SCFD1: variants seen among roughly 807,000 people sequenced by gnomAD.
SCFD1 encodes the protein sec1 family domain containing 1.
SCFD1 carries 37 observed loss-of-function variants against 103.2 expected under a neutral mutation model. The ratio of observed to expected loss-of-function variants is 0.36; its 90% CI spans 0.28 to 0.47. SCFD1 has a LOEUF of 0.47. SCFD1 is among the 20% of genes least tolerant of loss of function. The pLI, the probability that SCFD1 is intolerant of heterozygous loss-of-function variation, is 1.00. For synonymous variants in SCFD1, 264 were observed against 245.0 expected (o/e 1.08, Z -0.73); for missense variants, 639 against 761.2 (o/e 0.84, Z 1.89).
At chr14:30,625,284 G>C (rs562893135) in intron 1 of SCFD1, among the ~76,000 whole-genome samples, 41 of 152,260 alleles carry the variant, frequency 2.7e-4, no homozygotes, top group Admixed American at 2.3e-3. Context: ...GATACAGGTT[G>C]AGTATCCCTT....
At chr14:30,675,963 G>A (rs1889000551) in intron 14 of SCFD1, among the ~76,000 whole-genome samples, 1 of 152,044 alleles carries the variant, frequency 6.6e-6, no homozygotes. Flanking sequence ...TTCACATCTT[G>A]GTACTTGATA....
At chr14:30,705,966 G>T in intron 18 of SCFD1, 81 bp downstream of exon 18, 1 of 1,108,522 alleles carries the variant, frequency 9.0e-7, no homozygotes, top group South Asian at 1.4e-5. Flanking sequence ...CACAATGTCT[G>T]ATACTTTGAA....
At chr14:30,634,555 A>T (rs1392078042) in intron 4 of SCFD1, among the ~76,000 whole-genome samples, 1 of 152,178 alleles carries the variant, frequency 6.6e-6, no homozygotes, top group Non-Finnish European at 1.5e-5. Context: ...TAACCCCTGC[A>T]AATAAGGGCA....
Position 30,638,214 on chromosome 14 carries a change from G to T in SCFD1, c.402G>T (p.Ala134=), listed in dbSNP as rs548328649. 6 of 1,612,856 alleles carry T rather than the reference G, an allele frequency of 3.7e-6. No homozygotes were observed. The East Asian group carries it at 8.9e-5, about 24-fold the overall frequency. The change falls in exon 5 of 25, where the codon GCG becomes GCT. Residue 134 remains alanine (A), a synonymous_variant. Coordinates refer to ENST00000458591, the MANE Select transcript of SCFD1 (RefSeq NM_016106.4). ...RSKLEDIANA[A]LAASAVTQVA... ...AACTGGAAGATATTGCAAATGCAGC[G>T]TTAGCAGCTAGTGCAGTAACACAAG...
At chr14:30,640,890 T>C (rs550928977) in intron 6 of SCFD1, among the ~76,000 whole-genome samples, 1 of 151,388 alleles carries the variant, frequency 6.6e-6, no homozygotes, top group African/African-American at 2.5e-5. Flanking sequence ...TTGAGATTAA[T>C]TACAAATTTC....
At chr14:30,735,498 A>G (rs1193007301) in intron 24 of SCFD1, 88 bp from the exon 25 acceptor site, 1 of 891,330 alleles carries the variant, frequency 1.1e-6, no homozygotes, top group East Asian at 2.5e-5. Context: ...AGGAAGTGTA[A>G]TTTATTAAGG....
chr14:30,627,640 G>C (rs753245739), intron 1 of SCFD1, among the ~76,000 whole-genome samples: 10 of 151,472 alleles, frequency 6.6e-5, no homozygotes, highest in Non-Finnish European at 1.2e-4. Flanking sequence ...CAGCTACTCG[G>C]GAGGCTGAAG....
intron 19 of SCFD1, among the ~76,000 whole-genome samples, chr14:30,711,222 C>T (rs2139375740): frequency 6.6e-6 from 1 of 152,256 alleles, no homozygotes; most frequent in South Asian, 2.1e-4. Context: ...AAATTACAAG[C>T]AGTGAAAATC....
At chr14:30,640,829 T>C (rs981636371) in intron 6 of SCFD1, among the ~76,000 whole-genome samples, 6 of 152,138 alleles carry the variant, frequency 3.9e-5, no homozygotes, top group African/African-American at 1.2e-4. Flanking sequence ...CGTATACTTA[T>C]AAGTTTAATT....
chr14:30,663,953 T>C (rs7149384), intron 10 of SCFD1, among the ~76,000 whole-genome samples: 7,556 of 152,202 alleles, frequency 0.05, 619 homozygotes, highest in African/African-American at 0.17. Context: ...ATAGCCATGC[T>C]TCTGAACAAA....
At chr14:30,720,806 T>C (rs990094970) in intron 21 of SCFD1, among the ~76,000 whole-genome samples, 5 of 152,166 alleles carry the variant, frequency 3.3e-5, no homozygotes, top group African/African-American at 1.2e-4. Flanking sequence ...ATCTGTGGAC[T>C]TTGGTGTCTA....
At chr14:30,706,350 A>C (rs1170764447) in intron 18 of SCFD1, among the ~76,000 whole-genome samples, 1 of 152,186 alleles carries the variant, frequency 6.6e-6, no homozygotes, top group Non-Finnish European at 1.5e-5. Flanking sequence ...CATAGCTGAA[A>C]TGATATACAC....
intron 5 of SCFD1, among the ~76,000 whole-genome samples, chr14:30,638,692 G>T (rs986521391): frequency 6.6e-6 from 1 of 152,088 alleles, no homozygotes; most frequent in African/African-American, 2.4e-5. Context: ...GAGATCCAAA[G>T]TGCCTCTGTT....
intron 18 of SCFD1, among the ~76,000 whole-genome samples, chr14:30,706,735 C>T (rs1287155335): frequency 6.6e-6 from 1 of 152,134 alleles, no homozygotes; most frequent in Non-Finnish European, 1.5e-5. Context: ...ATACAGTTTC[C>T]AATTCCTAGC....
chr14:30,660,478 T>G (rs1887340040), intron 10 of SCFD1, among the ~76,000 whole-genome samples: 1 of 152,196 alleles, frequency 6.6e-6, no homozygotes, highest in Non-Finnish European at 1.5e-5. Flanking sequence ...GATCCATCCA[T>G]TAAGGGTTCT....
chr14:30,694,212 G>A (rs1315717110), intron 14 of SCFD1, among the ~76,000 whole-genome samples: 1 of 152,142 alleles, frequency 6.6e-6, no homozygotes, highest in Non-Finnish European at 1.5e-5. Flanking sequence ...TTGTATGCCA[G>A]TAACTAATTA....
At chr14:30,648,237 T>C (rs1371379121) in intron 7 of SCFD1, among the ~76,000 whole-genome samples, 1 of 152,196 alleles carries the variant, frequency 6.6e-6, no homozygotes, top group African/African-American at 2.4e-5. Context: ...ATTTATAACT[T>C]TTGCCATCAA....
chr14:30,649,994 T>G (rs1886246148), intron 8 of SCFD1, among the ~76,000 whole-genome samples: 1 of 152,214 alleles, frequency 6.6e-6, no homozygotes, highest in Admixed American at 6.5e-5. Flanking sequence ...AGTAAAATAT[T>G]AAGTATAAAG....
intron 18 of SCFD1, among the ~76,000 whole-genome samples, chr14:30,707,423 CTG>C (rs1390699187): frequency 6.6e-6 from 1 of 152,126 alleles, no homozygotes; most frequent in East Asian, 1.9e-4. Context: ...TTCGCTAAGT[CTG>C]TTCTGTTTCA....
Sources: allele counts gnomAD v4.1 joint callset (sites outside exome capture counted in the v4.1 genomes callset), GRCh38; gene constraint gnomAD v4.1.1; transcripts MANE v1.5; gene names NCBI Gene and HGNC (gene_info 2026-07-23, HGNC 2026-07-21).